Variants in ADARB1 observed in about 807,000 individuals in gnomAD.
The protein encoded by ADARB1 is adenosine deaminase RNA specific B1.
A neutral mutation model predicts 52.4 loss-of-function variants in ADARB1; 10 were observed. The observed-to-expected ratio is 0.19, with a 90% CI of 0.12 to 0.32. The LOEUF (loss-of-function observed/expected upper bound fraction) is 0.32, where lower values mean the gene tolerates loss of function less well. Among genes scored for constraint, ADARB1 ranks in the 10% least tolerant of loss-of-function variants. The pLI is 1.00. For missense variants in ADARB1, 643 were observed against 922.3 expected, an observed-to-expected ratio of 0.70 and a Z score of 3.92; for synonymous variants, 349 against 371.1, an observed-to-expected ratio of 0.94 and a Z score of 0.68.
Position 45,171,474 on chromosome 21 carries a change from A to G in ADARB1, c.-47-136A>G, listed in dbSNP as rs562543312. Reference sequence around the variant, plus strand: ...ACCAGATGGCAGATCTGACTTCTCTAACAAGACCTAGTTCTTATTTTATGA... The same window carrying G: ...ACCAGATGGCAGATCTGACTTCTCTGACAAGACCTAGTTCTTATTTTATGA... On this transcript the variant is annotated intron_variant, in intron 2 of 10. Coordinates refer to ENST00000348831, the MANE Select transcript of ADARB1 (RefSeq NM_001112.4). 1.9e-5 allele frequency: 12 copies of G among 627,152 alleles called. No homozygotes were observed. The Admixed American group carries it at 2.3e-4, about 12-fold the overall frequency. The allele number at this position is 627,152 out of a possible 1,614,324, so 38.8% of individuals were successfully genotyped here. A position where few individuals can be genotyped will look rare whatever the true frequency, so the allele number is the denominator to read the frequency against.
intron 8 of ADARB1, among the ~76,000 whole-genome samples, chr21:45,193,923 A>G (rs2092364031): frequency 6.6e-6 from 1 of 152,244 alleles, no homozygotes; most frequent in Non-Finnish European, 1.5e-5. Context: ...CTATAGACTC[A>G]ATGCAATCCT....
chr21:45,112,724 T>C (rs1365571379), intron 1 of ADARB1, among the ~76,000 whole-genome samples: 1 of 150,868 alleles, frequency 6.6e-6, no homozygotes, highest in Non-Finnish European at 1.5e-5. Flanking sequence ...ACATGTGATT[T>C]ACTGATTTAC....
intron 1 of ADARB1, among the ~76,000 whole-genome samples, chr21:45,076,815 T>C (rs151055998): frequency 3.9e-5 from 6 of 152,390 alleles, no homozygotes; most frequent in South Asian, 2.1e-4. Flanking sequence ...ATTTGACAAA[T>C]ACTTGTCTGT....
rs151321478 is a variant in ADARB1 at position 45,116,731 on chromosome 21, T to A, written c.-219-11671T>A. On this transcript the variant is annotated intron_variant, in intron 1 of 10. Transcript: ENST00000348831. ...TGGGGAAAAGCCCCTTACAAAGCCG[T>A]CAGATCCCGTGAGAACTCACTCACT... 4.6e-3 allele frequency among the ~76,000 whole-genome samples: 698 copies of A among 152,194 alleles called. 3 individuals are homozygous for A. Among genetic ancestry groups the A allele is most frequent in the African/African-American group, 0.016 (665 of 41,496 alleles).
chr21:45,078,860 T>C (rs1390380991), intron 1 of ADARB1, among the ~76,000 whole-genome samples: 1 of 152,222 alleles, frequency 6.6e-6, no homozygotes, highest in Non-Finnish European at 1.5e-5. Flanking sequence ...TTACATATAT[T>C]AATTCATTTA....
At chr21:45,216,478 A>G (rs562130513) in intron 9 of ADARB1, among the ~76,000 whole-genome samples, 3 of 152,228 alleles carry the variant, frequency 2.0e-5, no homozygotes, top group Admixed American at 1.3e-4. Context: ...TTATATTAAA[A>G]TACTTTGTCC....
At chr21:45,095,211 C>T (rs2086708936) in intron 1 of ADARB1, among the ~76,000 whole-genome samples, 1 of 152,248 alleles carries the variant, frequency 6.6e-6, no homozygotes, top group Non-Finnish European at 1.5e-5. Flanking sequence ...TGTGCAGGTC[C>T]CCCAGTCACC....
Position 45,223,499 on chromosome 21 carries a change from T to C in ADARB1, c.*1302T>C. 1 of 985,556 alleles carries C rather than the reference T, an allele frequency of 1.0e-6. No individual in the cohort carries two copies. Among genetic ancestry groups the C allele is most frequent in the South Asian group, 4.7e-5 (1 of 21,290 alleles). 61.1% of individuals were successfully genotyped at this position (985,556 alleles called of 1,614,324 possible). ...GCACCAGGTGCCTTGTTGCCTCCGC[T>C]CAGGATGAAAGAGGAGCTGAGAGAA... is the stretch of plus-strand genomic sequence containing the variant. On this transcript the variant is annotated 3_prime_UTR_variant, in exon 11 of 11. Transcript: ENST00000348831.
chr21:45,079,556 G>A (rs9984236), intron 1 of ADARB1, among the ~76,000 whole-genome samples: 50,558 of 151,962 alleles, frequency 0.33, 8,751 homozygotes, highest in Non-Finnish European at 0.39. Flanking sequence ...AGATCTGGAG[G>A]ACGAGGGTTG....
rs568896864 is a variant in ADARB1, at chr21:45,200,382, C to T, written c.1566-4173C>T. ...GGCCACCCCACGGTGATTATGTTGG[C>T]GCGGGAGCCGTGGGAAGGAACGAGA... is the stretch of plus-strand genomic sequence containing the variant. On this transcript the variant is annotated intron_variant, in intron 8 of 10. Coordinates refer to ENST00000348831, the MANE Select transcript of ADARB1 (RefSeq NM_001112.4). The surrounding 1 kb of genome is among the most constrained non-coding windows in gnomAD (Gnocchi z 5.0). Among the ~76,000 whole-genome samples, 7 of 152,240 alleles carry T rather than the reference C, an allele frequency of 4.6e-5. No homozygotes were observed. Among genetic ancestry groups the T allele is most frequent in the Admixed American group, 2.0e-4 (3 of 15,302 alleles).
intron 8 of ADARB1, among the ~76,000 whole-genome samples, chr21:45,185,700 G>A (rs1180962330): frequency 6.6e-6 from 1 of 152,046 alleles, no homozygotes; most frequent in East Asian, 1.9e-4. Context: ...TTCTTCAGAT[G>A]GTATCAGTTC....
chr21:45,136,190 C>T (rs1480180901), intron 2 of ADARB1, among the ~76,000 whole-genome samples: 1 of 152,124 alleles, frequency 6.6e-6, no homozygotes, highest in Non-Finnish European at 1.5e-5. Context: ...TAGGACAGGT[C>T]CACTGTCTCT....
chr21:45,112,146 G>C (rs2087569354), intron 1 of ADARB1, among the ~76,000 whole-genome samples: 2 of 152,178 alleles, frequency 1.3e-5, no homozygotes, highest in South Asian at 4.1e-4. Context: ...CTCCCAAAGT[G>C]CCCAGCTACA....
chr21:45,123,274 CGTGTGT>C (rs10647195), intron 1 of ADARB1, among the ~76,000 whole-genome samples: 3 of 148,986 alleles, frequency 2.0e-5, no homozygotes, highest in Non-Finnish European at 3.0e-5. Context: ...ATATATACTA[CGTGTGT>C]GTGTGTGTGT....
chr21:45,077,557 C>T (rs1215161941), intron 1 of ADARB1, among the ~76,000 whole-genome samples: 1 of 151,872 alleles, frequency 6.6e-6, no homozygotes, highest in Non-Finnish European at 1.5e-5. Context: ...GTCCCAGCTA[C>T]TTGGGAGGCT....
chr21:45,176,785 A>C lies in ADARB1; in HGVS notation c.963+121A>C. On this transcript the variant is annotated intron_variant, in intron 4 of 10. Coordinates refer to ENST00000348831, the MANE Select transcript of ADARB1 (RefSeq NM_001112.4). The surrounding 1 kb of genome is among the most constrained non-coding windows in gnomAD (Gnocchi z 5.8). Reference sequence around the variant, plus strand: ...ACCTTGACATCACTCTGTCCCCACCAGGAGGAGTTACTGGTAAGTCTGGCT... The same window carrying C: ...ACCTTGACATCACTCTGTCCCCACCCGGAGGAGTTACTGGTAAGTCTGGCT... The C allele has an allele frequency of 8.8e-7, 1 of 1,141,670 alleles. No individual in the cohort carries two copies. Among genetic ancestry groups the C allele is most frequent in the East Asian group, 2.6e-5 (1 of 39,052 alleles). The allele number at this position is 1,141,670 out of a possible 1,614,324, so 70.7% of individuals were successfully genotyped here. A position where few individuals can be genotyped will look rare whatever the true frequency, so the allele number is the denominator to read the frequency against.
In ADARB1 at chr21:45,224,930, C is replaced by T. The variant is rs747882036; in HGVS notation, c.*2733C>T. The T allele has an allele frequency of 1.1e-5, 11 of 983,192 alleles. No homozygotes were observed. The highest frequency in any genetic ancestry group is 1.8e-5 in the African/African-American group (1 of 55,288). 60.9% of individuals were successfully genotyped at this position (983,192 alleles called of 1,614,324 possible). ...TTTTAGACTATAGCTGTTTCATTGA[C>T]GTGTCACTCTCCATCCAGTGTCCTT... On this transcript the variant is annotated 3_prime_UTR_variant, in exon 11 of 11. Transcript: ENST00000348831.
chr21:45,177,314 CTACTT>C, intron 4 of ADARB1: 1 of 152,694 alleles, frequency 6.5e-6, no homozygotes, highest in African/African-American at 2.4e-5. Context: ...CTGGGAGTCT[CTACTT>C]TGAATTTCCT....
In ADARB1 at chr21:45,200,681, A is replaced by G. The variant is rs926142291; in HGVS notation, c.1566-3874A>G. 2.0e-5 allele frequency among the ~76,000 whole-genome samples: 3 copies of G among 151,964 alleles called. No individual in the cohort carries two copies. The highest frequency in any genetic ancestry group is 4.8e-5 in the African/African-American group (2 of 41,350). ...GGCCTCCCGTGCAGCTGCTTGAAGA[A>G]CCCAGGGGCATCTCTGGCTGGTCCT... On this transcript the variant is annotated intron_variant, in intron 8 of 10. Transcript: ENST00000348831. The surrounding 1 kb of genome is among the most constrained non-coding windows in gnomAD (Gnocchi z 5.0).
Sources: allele counts gnomAD v4.1 joint callset (sites outside exome capture counted in the v4.1 genomes callset), GRCh38; gene constraint gnomAD v4.1.1; non-coding constraint Gnocchi (gnomAD v3.1); transcripts MANE v1.5; gene names NCBI Gene and HGNC (gene_info 2026-07-23, HGNC 2026-07-21).